The following LYPLAL1 variants were observed in gnomAD, a reference collection of about 807,000 sequenced individuals.
LYPLAL1 encodes lysophospholipase like 1, also known as lysophospholipase-like protein 1.
LYPLAL1 carries 23 observed loss-of-function variants against 19.7 expected under a neutral mutation model. The ratio of observed to expected loss-of-function variants is 1.17; its 90% CI spans 0.84 to 1.65. The LOEUF is 1.65. Among genes scored for constraint, LYPLAL1 ranks in the 40% most tolerant of loss-of-function variants. LYPLAL1 has a pLI of 0.00. For synonymous variants in LYPLAL1, 119 were observed against 96.3 expected, an observed-to-expected ratio of 1.24 and a Z score of -1.38; for missense variants, 355 against 279.4, an observed-to-expected ratio of 1.27 and a Z score of -1.93.
chr1:219,236,388 CCTCCATTTTGTA>C, the LYPLAL1 span, among the ~76,000 whole-genome samples: 1 of 152,192 alleles, frequency 6.6e-6, no homozygotes, highest in Non-Finnish European at 1.5e-5. Flanking sequence ...AGTAATGATA[CCTCCATTTTGTA>C]TAAAGAGTGA....
chr1:219,334,404 G>A, the LYPLAL1 span, among the ~76,000 whole-genome samples: 2 of 151,798 alleles, frequency 1.3e-5, no homozygotes, highest in Non-Finnish European at 2.9e-5. Flanking sequence ...CAATTTTTAT[G>A]ACCCTGGGCC....
chr1:219,242,649 C>A, the LYPLAL1 span, among the ~76,000 whole-genome samples: 3 of 151,710 alleles, frequency 2.0e-5, no homozygotes, highest in African/African-American at 7.3e-5. Context: ...GTAGTAGCCA[C>A]AAAATTGACT....
the LYPLAL1 span, among the ~76,000 whole-genome samples, chr1:219,241,148 A>C: frequency 8.2e-5 from 11 of 133,520 alleles, no homozygotes; most frequent in East Asian, 2.3e-4. Flanking sequence ...ATATATATAT[A>C]TATATATATA....
At chr1:219,268,979 T>C in the LYPLAL1 span, among the ~76,000 whole-genome samples, 1 of 152,232 alleles carries the variant, frequency 6.6e-6, no homozygotes, top group Non-Finnish European at 1.5e-5. Flanking sequence ...TAACGTTCAT[T>C]GTAATTAAAC....
chr1:219,408,181 G>A, the LYPLAL1 span, among the ~76,000 whole-genome samples: 12 of 152,192 alleles, frequency 7.9e-5, no homozygotes, highest in African/African-American at 2.9e-4. Context: ...GGTTTCTGAA[G>A]AGGAATGGGC....
At chr1:219,439,133 C>T in the LYPLAL1 span, among the ~76,000 whole-genome samples, 195 of 152,308 alleles carry the variant, frequency 1.3e-3, no homozygotes, top group Middle Eastern at 6.8e-3. Context: ...TACCTATCCC[C>T]AGTCCATCAC....
the LYPLAL1 span, among the ~76,000 whole-genome samples, chr1:219,249,279 C>T: frequency 6.6e-6 from 1 of 151,984 alleles, no homozygotes; most frequent in Non-Finnish European, 1.5e-5. Context: ...GGCTTATTTT[C>T]TCTGGTATTT....
chr1:219,274,630 C>T, the LYPLAL1 span, among the ~76,000 whole-genome samples: 52 of 152,286 alleles, frequency 3.4e-4, no homozygotes, highest in African/African-American at 1.3e-3. Context: ...GTGATCCACA[C>T]GCCTTGTCCT....
the LYPLAL1 span, among the ~76,000 whole-genome samples, chr1:219,285,479 T>C: frequency 3.9e-5 from 6 of 152,176 alleles, no homozygotes; most frequent in African/African-American, 9.7e-5. Context: ...ACAGCCCAAT[T>C]GTCCATCAAC....
chr1:219,269,180 G>A, the LYPLAL1 span, among the ~76,000 whole-genome samples: 431 of 152,316 alleles, frequency 2.8e-3, 2 homozygotes, highest in South Asian at 0.023. Flanking sequence ...TTTTTCTTCT[G>A]TGTCCTACAA....
the LYPLAL1 span, among the ~76,000 whole-genome samples, chr1:219,244,610 C>T: frequency 6.6e-6 from 1 of 152,080 alleles, no homozygotes; most frequent in Non-Finnish European, 1.5e-5. Context: ...TCCTACAATT[C>T]CAAACCAGGC....
intron 2 of LYPLAL1, among the ~76,000 whole-genome samples, chr1:219,187,733 G>A (rs901329597): frequency 2.0e-5 from 3 of 151,644 alleles, no homozygotes; most frequent in African/African-American, 7.3e-5. Flanking sequence ...TTTAGGCATA[G>A]TAAACCATGA....
the LYPLAL1 span, among the ~76,000 whole-genome samples, chr1:219,257,997 G>T: frequency 6.6e-6 from 1 of 151,980 alleles, no homozygotes; most frequent in Admixed American, 6.6e-5. Flanking sequence ...GCTGGGAAAA[G>T]AATTCAGTGA....
At chr1:219,240,582 A>T in the LYPLAL1 span, among the ~76,000 whole-genome samples, 2 of 152,228 alleles carry the variant, frequency 1.3e-5, no homozygotes, top group African/African-American at 4.8e-5. Context: ...CAAGAAGAAA[A>T]TAAGGAAATA....
chr1:219,277,862 A>T, the LYPLAL1 span, among the ~76,000 whole-genome samples: 2 of 152,274 alleles, frequency 1.3e-5, no homozygotes, highest in Non-Finnish European at 2.9e-5. Flanking sequence ...CCAAAAACAA[A>T]TCTGGGGACT....
chr1:219,439,479 A>C, the LYPLAL1 span, among the ~76,000 whole-genome samples: 1 of 152,168 alleles, frequency 6.6e-6, no homozygotes, highest in Admixed American at 6.5e-5. Context: ...CCTACTCTCC[A>C]AAACAAATGA....
chr1:219,355,834 A>G, the LYPLAL1 span, among the ~76,000 whole-genome samples: 1 of 152,172 alleles, frequency 6.6e-6, no homozygotes, highest in Non-Finnish European at 1.5e-5. Context: ...AAAACCTTAG[A>G]TATTTGGAAG....
chr1:219,291,416 T>C, the LYPLAL1 span, among the ~76,000 whole-genome samples: 1 of 152,230 alleles, frequency 6.6e-6, no homozygotes, highest in East Asian at 1.9e-4. Context: ...ATATTTGAAA[T>C]AAGTGCCAGC....
At chr1:219,198,953 A>G (rs889211451) in intron 3 of LYPLAL1, among the ~76,000 whole-genome samples, 1 of 152,074 alleles carries the variant, frequency 6.6e-6, no homozygotes, top group Non-Finnish European at 1.5e-5. Flanking sequence ...CACATGACAT[A>G]TAACTATTCA....
Sources: gnomAD v4.1 joint callset for allele counts (sites outside exome capture counted in the v4.1 genomes callset) on GRCh38, gnomAD v4.1.1 for gene constraint, MANE v1.5 for transcripts, NCBI Gene and HGNC (gene_info 2026-07-23, HGNC 2026-07-21) for gene names.